Variants in USP33 observed in about 807,000 individuals in gnomAD.
The protein encoded by USP33 is ubiquitin carboxyl-terminal hydrolase 33.
In USP33, 46 loss-of-function variants were observed where a neutral mutation model predicts 124.2. The observed-to-expected ratio is 0.37, with a 90% CI of 0.29 to 0.47. The LOEUF (loss-of-function observed/expected upper bound fraction) is 0.47, where lower values mean the gene tolerates loss of function less well. Ranked by LOEUF, USP33 falls within the 20% of genes least tolerant of loss-of-function variation. The pLI, the probability that USP33 is intolerant of heterozygous loss-of-function variation, is 0.99. For missense variants in USP33, 851 were observed against 1,070.6 expected (o/e 0.79, Z 2.86); for synonymous variants, 350 against 352.3 (o/e 0.99, Z 0.07).
chr1:77,713,141 C>A, intron 20 of USP33, 59 bp downstream of exon 20: 2 of 1,371,692 alleles, frequency 1.5e-6, no homozygotes, highest in Admixed American at 2.1e-5. Context: ...AATCCAAACC[C>A]CTTTTAACCA....
rs1185358841 is a variant in USP33 at position 77,758,175 on chromosome 1, C to CTTTT, written c.-52+1464_-52+1467dup. Among the ~76,000 whole-genome samples the CTTTT allele has an allele frequency of 8.7e-4, 82 of 94,302 alleles. 1 individual carries two copies. The highest frequency in any genetic ancestry group is 1.2e-3 in the African/African-American group (27 of 22,496). The allele number at this position is 94,302 out of a possible 152,430, so 61.9% of individuals were successfully genotyped here. On this transcript the variant is annotated intron_variant, in intron 1 of 23. Transcript: ENST00000370794. ...TTCCAATAATATTTTTTGTACTGTC[C>CTTTT]TTTTTTTTTTTTTTTTTTTTTTTGA... is the stretch of plus-strand genomic sequence containing the variant.
chr1:77,739,386 G>A lies in USP33; in HGVS notation c.230C>T (p.Thr77Ile). 6.2e-7 allele frequency: 1 copy of A among 1,613,004 alleles called. No homozygotes were observed. Among genetic ancestry groups the A allele is most frequent in the Non-Finnish European group, 8.5e-7 (1 of 1,179,544 alleles). The change falls in exon 5 of 24, where the codon ACC becomes ATC. Residue 77 changes from threonine (T) to isoleucine (I), a missense_variant. Coordinates refer to ENST00000370794, the MANE Select transcript of USP33 (RefSeq NM_201624.3). The part of the protein sequence containing the change: ...ETKHYLTVNL[T>I]TLRVWCYACS... The stretch of plus-strand genomic sequence containing the variant: ...AGCATAACACCATACTCGAAGAGTG[G>A]TAAGGTTCACAGTTAGATAATGCTT...
At chr1:77,709,735 CTATA>C (rs1014121055) in intron 21 of USP33, among the ~76,000 whole-genome samples, 5 of 150,638 alleles carry the variant, frequency 3.3e-5, no homozygotes, top group African/African-American at 1.2e-4. Flanking sequence ...AGTAATCAAT[CTATA>C]TATAGATATA....
At position 77,697,906 on chromosome 1, in the gene USP33, A is replaced by G. The variant is rs1673575673; in HGVS notation, c.2535T>C (p.Thr845=). Residue 845 remains threonine (T), a synonymous_variant, in exon 23 of 24, where the codon ACT becomes ACC. Coordinates refer to ENST00000370794, the MANE Select transcript of USP33 (RefSeq NM_201624.3). ...TACCACATTTAGTGACTGCAATCTTAGTATTGTCAATAGGACCTGGAGGAT... is the reference window on the plus strand; with the variant it reads ...TACCACATTTAGTGACTGCAATCTTGGTATTGTCAATAGGACCTGGAGGAT... ...DGDPPGPIDN[T]KIAVTKCGNV... is the part of the protein sequence containing the mutation. The G allele has an allele frequency of 6.2e-7, 1 of 1,610,356 alleles. No individual in the cohort carries two copies. The highest frequency in any genetic ancestry group is 8.5e-7 in the Non-Finnish European group (1 of 1,179,022).
At chr1:77,734,778 A>G (rs1167829211) in intron 6 of USP33, among the ~76,000 whole-genome samples, 2 of 152,258 alleles carry the variant, frequency 1.3e-5, no homozygotes, top group African/African-American at 4.8e-5. Context: ...ACTCGTCATG[A>G]TAAATGATAA....
In USP33 at chr1:77,734,331, T is replaced by A. The variant is rs771393995; in HGVS notation, c.524+16A>T. ...AAAAATTATACAAATAAAACAAAAT[T>A]AATTTCTCTATTTACCAATTAGAAA... On this transcript the variant is annotated intron_variant, in intron 7 of 23. Coordinates refer to ENST00000370794, the MANE Select transcript of USP33 (RefSeq NM_201624.3). 7.1e-6 allele frequency: 11 copies of A among 1,543,292 alleles called. No homozygotes were observed. Among genetic ancestry groups the A allele is most frequent in the Non-Finnish European group, 7.9e-6 (9 of 1,141,756 alleles).
intron 1 of USP33, among the ~76,000 whole-genome samples, chr1:77,757,393 C>A (rs1225907424): frequency 6.6e-6 from 1 of 152,208 alleles, no homozygotes; most frequent in East Asian, 1.9e-4. Context: ...TTTTGATATA[C>A]ATATTGTTTC....
intron 11 of USP33, among the ~76,000 whole-genome samples, chr1:77,724,909 G>T (rs1012973679): frequency 2.0e-5 from 3 of 152,076 alleles, no homozygotes; most frequent in Non-Finnish European, 4.4e-5. Flanking sequence ...AGGCATGGTG[G>T]CGTGCACCTG....
At chr1:77,753,122 G>T (rs1005352859) in intron 1 of USP33, among the ~76,000 whole-genome samples, 1 of 151,968 alleles carries the variant, frequency 6.6e-6, no homozygotes, top group Non-Finnish European at 1.5e-5. Context: ...TTAACAGGAC[G>T]AAATTTAATA....
At chr1:77,739,461 A>G in intron 4 of USP33, 44 bp from the exon 5 acceptor site, 4 of 1,518,546 alleles carry the variant, frequency 2.6e-6, no homozygotes, top group Non-Finnish European at 3.5e-6. Context: ...CCAAAATTAC[A>G]TATACTTGAA....
rs796138788 is a variant in USP33 at position 77,698,500 on chromosome 1, GT to G, written c.2510-570del. ...CATCACAGTTTAACAGAAATGTTTT[GT>G]TTTTTTTTTTTTTTTTGAGACGGAG... On this transcript the variant is annotated intron_variant, in intron 22 of 23. Coordinates refer to ENST00000370794, the MANE Select transcript of USP33 (RefSeq NM_201624.3). Among the ~76,000 whole-genome samples, 103 of 116,390 alleles carry G rather than the reference GT, an allele frequency of 8.8e-4. 1 individual carries two copies. Among genetic ancestry groups the G allele is most frequent in the East Asian group, 3.6e-3 (14 of 3,836 alleles). The allele number at this position is 116,390 out of a possible 152,430, so 76.4% of individuals were successfully genotyped here. A position where few individuals can be genotyped will look rare whatever the true frequency, so the allele number is the denominator to read the frequency against.
intron 21 of USP33, among the ~76,000 whole-genome samples, chr1:77,708,630 C>G (rs1429967782): frequency 6.6e-6 from 1 of 152,140 alleles, no homozygotes; most frequent in Non-Finnish European, 1.5e-5. Flanking sequence ...AGGAAAACTC[C>G]AAGTATACAA....
Position 77,728,397 on chromosome 1 carries a change from T to G in USP33, c.1033A>C (p.Asn345His), listed in dbSNP as rs769033763. ...EKMCNKINKV[N>H]SEGEFDKDRD... Reference sequence around the variant, plus strand: ...TCTTTATCAAATTCGCCTTCAGAATTTACTTTATTAATCTTATTGCACATC... The same window carrying G: ...TCTTTATCAAATTCGCCTTCAGAATGTACTTTATTAATCTTATTGCACATC... The change falls in exon 10 of 24, where the codon AAT (asparagine) becomes CAT (histidine). Residue 345 changes from asparagine to histidine, a missense_variant. Physicochemically the swap from Asn to His is moderately conservative, Grantham distance 68. Transcript: ENST00000370794. 6.2e-7 allele frequency: 1 copy of G among 1,614,032 alleles called. No homozygotes were observed. Among genetic ancestry groups the G allele is most frequent in the South Asian group, 1.1e-5 (1 of 91,046 alleles).
intron 1 of USP33, among the ~76,000 whole-genome samples, chr1:77,744,322 A>G (rs1679495449): frequency 6.6e-6 from 1 of 152,150 alleles, no homozygotes; most frequent in South Asian, 2.1e-4. Context: ...GTGAAGAGAA[A>G]AAGAAGAAAC....
chr1:77,733,084 C>T (rs1172639253), intron 7 of USP33, among the ~76,000 whole-genome samples: 2 of 151,916 alleles, frequency 1.3e-5, no homozygotes, highest in East Asian at 1.9e-4. Context: ...TGAACCACCA[C>T]GCCTGGCCTA....
At chr1:77,749,965 T>A (rs1200968724) in intron 1 of USP33, among the ~76,000 whole-genome samples, 2 of 152,160 alleles carry the variant, frequency 1.3e-5, no homozygotes, top group African/African-American at 2.4e-5. Flanking sequence ...AAAAAAAGAA[T>A]AAAACATAAA....
intron 5 of USP33, among the ~76,000 whole-genome samples, chr1:77,736,920 C>G (rs1015168301): frequency 6.6e-6 from 1 of 151,828 alleles, no homozygotes; most frequent in African/African-American, 2.4e-5. Flanking sequence ...CACACTTTTA[C>G]GTATATTAAA....
chr1:77,697,536 C>A, intron 23 of USP33, 62 bp from the exon 24 acceptor site: 1 of 1,504,646 alleles, frequency 6.6e-7, no homozygotes, highest in South Asian at 1.4e-5. Flanking sequence ...CAAAAGCGTT[C>A]ATAATGTACC....
rs765932351 is a variant in USP33, at chr1:77,697,287, T to G, written c.*30A>C. On this transcript the variant is annotated 3_prime_UTR_variant, in exon 24 of 24. Transcript: ENST00000370794. The stretch of plus-strand genomic sequence containing the variant: ...ACATGTCAGGGCACATGAAAATGAT[T>G]CCTCATTAGAACTCTCTACATCCTA... The G allele has an allele frequency of 7.7e-6, 12 of 1,551,092 alleles. No individual in the cohort carries two copies. In the Admixed American group the frequency reaches 1.9e-4, roughly 24 times the overall value.
Sources: gnomAD v4.1 joint callset for allele counts (sites outside exome capture counted in the v4.1 genomes callset) on GRCh38, gnomAD v4.1.1 for gene constraint, MANE v1.5 for transcripts, NCBI Gene and HGNC (gene_info 2026-07-23, HGNC 2026-07-21) for gene names.